Variants in PEX1 observed in about 807,000 individuals in gnomAD.
PEX1 encodes the protein peroxisomal biogenesis factor 1.
Under a neutral mutation model 152.5 loss-of-function variants are expected in PEX1, and 97 were observed. The ratio of observed to expected loss-of-function variants is 0.64; its 90% CI spans 0.54 to 0.75. The LOEUF is 0.75. Among genes scored for constraint, PEX1 ranks in the 30% least tolerant of loss-of-function variants. PEX1 has a pLI of 0.00. For synonymous variants in PEX1, 485 were observed against 531.6 expected, an observed-to-expected ratio of 0.91 and a Z score of 1.21; for missense variants, 1,357 against 1,516.3, an observed-to-expected ratio of 0.89 and a Z score of 1.74.
intron 1 of PEX1, among the ~76,000 whole-genome samples, chr7:92,523,929 T>C (rs557216483): frequency 4.9e-4 from 75 of 152,294 alleles, no homozygotes; most frequent in Non-Finnish European, 8.2e-4. Flanking sequence ...CCAGGTGCAG[T>C]GGCTCACATG....
At chr7:92,519,547 A>C (rs948225649) in intron 2 of PEX1, among the ~76,000 whole-genome samples, 1 of 152,246 alleles carries the variant, frequency 6.6e-6, no homozygotes, top group Admixed American at 6.5e-5. Flanking sequence ...AGTAATCATT[A>C]AAATGTAAAA....
At chr7:92,495,233 A>G (rs1017209450) in intron 17 of PEX1, among the ~76,000 whole-genome samples, 2 of 152,186 alleles carry the variant, frequency 1.3e-5, no homozygotes, top group East Asian at 1.9e-4. Flanking sequence ...TTAATTCAAA[A>G]TAAGTGAATA....
At position 92,487,036 on chromosome 7, in the gene PEX1, T is replaced by C. The variant is rs528728841; in HGVS notation, c.*421A>G. 1 of 154,248 alleles carries C rather than the reference T, an allele frequency of 6.5e-6. No homozygotes were observed. Among genetic ancestry groups the C allele is most frequent in the Non-Finnish European group, 1.4e-5 (1 of 69,412 alleles). 9.6% of individuals were successfully genotyped at this position (154,248 alleles called of 1,614,324 possible). A position where few individuals can be genotyped will look rare whatever the true frequency, so the allele number is the denominator to read the frequency against. ...AACAGATAATTGTATCAGTAGGTAA[T>C]AGGATATTTTATTTCAAAACAGTGA... On this transcript the variant is annotated 3_prime_UTR_variant, in exon 24 of 24. Coordinates refer to ENST00000248633, the MANE Select transcript of PEX1 (RefSeq NM_000466.3).
rs1164302223 is a variant in PEX1 at position 92,491,489 on chromosome 7, C to G, written c.3221G>C (p.Ser1074Thr). The G allele has an allele frequency of 6.2e-7, 1 of 1,606,170 alleles. No homozygotes were observed. The highest frequency in any genetic ancestry group is 1.7e-5 in the Admixed American group (1 of 60,018). Reference protein sequence around the residue: ...LSSGLQDGSSSSDSDLSLSSM... With the variant: ...LSSGLQDGSSTSDSDLSLSSM... ...AGACAGACTTAGGTCACTATCAGAG[C>G]TGGAACTTCCATCCTAAAATACACA... is the stretch of plus-strand genomic sequence containing the variant. The change falls in exon 21 of 24, where the codon AGC (serine) becomes ACC (threonine). Residue 1074 changes from serine (S) to threonine (T), a missense_variant. By Grantham distance (58) the Ser-to-Thr change is moderately conservative (BLOSUM62 1). Coordinates refer to ENST00000248633, the MANE Select transcript of PEX1 (RefSeq NM_000466.3).
At chr7:92,494,652 C>A in intron 17 of PEX1, 23 bp from the exon 18 acceptor site, 1 of 1,612,366 alleles carries the variant, frequency 6.2e-7, no homozygotes, top group Non-Finnish European at 8.5e-7. Flanking sequence ...AACAACATTT[C>A]ATATTTGAAT....
intron 1 of PEX1, among the ~76,000 whole-genome samples, chr7:92,522,769 T>G (rs937577326): frequency 2.0e-5 from 3 of 152,210 alleles, no homozygotes; most frequent in African/African-American, 7.2e-5. Context: ...AATTTTAGAA[T>G]TATGAAACAC....
intron 5 of PEX1, 90 bp from the exon 6 acceptor site, chr7:92,514,057 A>G (rs1164854097): frequency 1.2e-6 from 1 of 837,810 alleles, no homozygotes; most frequent in African/African-American, 1.7e-5. Flanking sequence ...ATTAGCTTCT[A>G]TGAATTTAGG....
chr7:92,509,403 T>C lies in PEX1; in HGVS notation c.1596A>G (p.Leu532=). 6.2e-7 allele frequency: 1 copy of C among 1,607,920 alleles called. No homozygotes were observed. The highest frequency in any genetic ancestry group is 8.5e-7 in the Non-Finnish European group (1 of 1,174,872). ...LLQKTTIQVL[L]DPMVKEENSE... ...TGTTTTCTTCTTTTACCATAGGATC[T>C]AGAAGGACCTACAGTTGCAAGGAAA... The change falls in exon 9 of 24, where the codon CTA becomes CTG. Residue 532 remains leucine, a synonymous_variant. Transcript: ENST00000248633.
At chr7:92,514,247 A>T (rs1205807835) in intron 5 of PEX1, among the ~76,000 whole-genome samples, 1 of 152,156 alleles carries the variant, frequency 6.6e-6, no homozygotes, top group Non-Finnish European at 1.5e-5. Flanking sequence ...ATCACTTCCC[A>T]AAGACCACAC....
chr7:92,491,636 C>A, intron 20 of PEX1, 134 bp from the exon 21 acceptor site: 1 of 644,120 alleles, frequency 1.6e-6, no homozygotes, highest in Non-Finnish European at 2.7e-6. Context: ...CTCATTAATT[C>A]TCTAACGGTT....
chr7:92,508,820 ATT>A (rs1273112140), intron 9 of PEX1, among the ~76,000 whole-genome samples: 2 of 152,132 alleles, frequency 1.3e-5, no homozygotes, highest in Non-Finnish European at 2.9e-5. Context: ...TTTTTTAAAT[ATT>A]TGTTTTAAAA....
In PEX1 at chr7:92,501,765, T is replaced by C. The variant is rs889082812; in HGVS notation, c.2417-92A>G. On this transcript the variant is annotated intron_variant, in intron 14 of 23. Transcript: ENST00000248633. ...ATCATCTTAGCTGGAAACACTAATT[T>C]TCTACTCAAATAACTGCTTATTCAA... 7 of 1,373,268 alleles carry C rather than the reference T, an allele frequency of 5.1e-6. No individual in the cohort carries two copies. In the African/African-American group the frequency reaches 1.0e-4, roughly 20 times the overall value. 85.1% of individuals were successfully genotyped at this position (1,373,268 alleles called of 1,614,324 possible).
chr7:92,502,162 G>T, intron 13 of PEX1, 83 bp from the exon 14 acceptor site: 1 of 1,022,188 alleles, frequency 9.8e-7, no homozygotes, highest in Non-Finnish European at 1.5e-6. Context: ...AAATCAGGTT[G>T]ACAAATCTAT....
At chr7:92,494,759 A>T (rs796635742) in intron 17 of PEX1, 130 bp from the exon 18 acceptor site, 2 of 485,590 alleles carry the variant, frequency 4.1e-6, no homozygotes, top group South Asian at 1.0e-4. Flanking sequence ...AATTTTTACA[A>T]CAAACCCTTA....
In PEX1 at chr7:92,517,959, C is replaced by T. The variant is rs1294268789; in HGVS notation, c.556G>A (p.Glu186Lys). 6.2e-7 allele frequency: 1 copy of T among 1,609,910 alleles called. No individual in the cohort carries two copies. Among genetic ancestry groups the T allele is most frequent in the Admixed American group, 1.7e-5 (1 of 59,090 alleles). Reference sequence around the variant, plus strand: ...GCATCAGCTTTTGAAAATGTATTCTCTTTGGCTCGGCGTGTCTTTGGCTGA... The same window carrying T: ...GCATCAGCTTTTGAAAATGTATTCTTTTTGGCTCGGCGTGTCTTTGGCTGA... ...LIQPKTRRAK[E>K]NTFSKADAEY... The change falls in exon 5 of 24, where the codon GAG becomes AAG. Residue 186 changes from glutamate to lysine, a missense_variant. Physicochemically the swap from Glu to Lys is moderately conservative, Grantham distance 56 (BLOSUM62 1). Coordinates refer to ENST00000248633, the MANE Select transcript of PEX1 (RefSeq NM_000466.3).
chr7:92,522,019 C>CA (rs1793070748), intron 2 of PEX1, 83 bp downstream of exon 2: 3 of 1,455,260 alleles, frequency 2.1e-6, no homozygotes, highest in Non-Finnish European at 2.9e-6. Context: ...CCTCCTTTAA[C>CA]AAAAAATCTA....
chr7:92,489,216 G>C, intron 23 of PEX1, 77 bp downstream of exon 23: 1 of 1,255,806 alleles, frequency 8.0e-7, no homozygotes. Context: ...TTTTAAACAC[G>C]AACTTTAAAG....
intron 14 of PEX1, 46 bp from the exon 15 acceptor site, chr7:92,501,719 T>A: frequency 6.5e-7 from 1 of 1,527,654 alleles, no homozygotes; most frequent in South Asian, 1.1e-5. Context: ...ATATTCACTA[T>A]ATGAATTTTC....
At position 92,493,593 on chromosome 7, in the gene PEX1, C is replaced by T. The variant is rs146191485; in HGVS notation, c.3031-464G>A. Reference sequence around the variant, plus strand: ...CATAGAGGCTGCAGTGAGTTGTGATCGTACCAGTGTACTCCAGCCTGGGTG... The same window carrying T: ...CATAGAGGCTGCAGTGAGTTGTGATTGTACCAGTGTACTCCAGCCTGGGTG... On this transcript the variant is annotated intron_variant, in intron 19 of 23. Coordinates refer to ENST00000248633, the MANE Select transcript of PEX1 (RefSeq NM_000466.3). The T allele has an allele frequency of 5.2e-3, 807 of 155,350 alleles. 5 individuals carry two copies. Among genetic ancestry groups the T allele is most frequent in the African/African-American group, 0.018 (741 of 41,568 alleles). The allele number at this position is 155,350 out of a possible 1,614,324, so 9.6% of individuals were successfully genotyped here. A position where few individuals can be genotyped will look rare whatever the true frequency, so the allele number is the denominator to read the frequency against.
Sources: allele counts gnomAD v4.1 joint callset (sites outside exome capture counted in the v4.1 genomes callset), GRCh38; gene constraint gnomAD v4.1.1; transcripts MANE v1.5; gene names NCBI Gene and HGNC (gene_info 2026-07-23, HGNC 2026-07-21).